The following HSD17B7 variants were observed in gnomAD, a reference collection of about 807,000 sequenced individuals.
The protein encoded by HSD17B7 is hydroxysteroid 17-beta dehydrogenase 7.
HSD17B7 carries 17 observed loss-of-function variants against 34.1 expected under a neutral mutation model. The observed-to-expected ratio is 0.50, with a 90% CI of 0.34 to 0.75. The LOEUF (loss-of-function observed/expected upper bound fraction) is 0.75, where lower values mean the gene tolerates loss of function less well. Among genes scored for constraint, HSD17B7 ranks in the 30% least tolerant of loss-of-function variants. The pLI, the probability that HSD17B7 is intolerant of heterozygous loss-of-function variation, is 0.01. For missense variants in HSD17B7, 296 were observed against 406.6 expected (o/e 0.73, Z 2.34); for synonymous variants, 122 against 154.6 (o/e 0.79, Z 1.56).
chr1:162,808,064 T>A (rs1255421173), intron 8 of HSD17B7, among the ~76,000 whole-genome samples: 14 of 152,316 alleles, frequency 9.2e-5, no homozygotes, highest in Non-Finnish European at 7.4e-5. Flanking sequence ...CTGAATAGTA[T>A]TGCCTAGGTT....
intron 8 of HSD17B7, among the ~76,000 whole-genome samples, chr1:162,810,110 C>T (rs1295799856): frequency 6.6e-6 from 1 of 152,208 alleles, no homozygotes; most frequent in African/African-American, 2.4e-5. Flanking sequence ...TCACTCTACA[C>T]ACTGCTTTAA....
intron 4 of HSD17B7, chr1:162,798,362 A>T (rs1648690752): frequency 6.5e-6 from 1 of 154,860 alleles, no homozygotes; most frequent in Non-Finnish European, 1.4e-5. Flanking sequence ...TTTAGCAGTC[A>T]TGTCTCCTTA....
rs565553246 is a variant in HSD17B7, at chr1:162,806,980, AATT to A, written c.903+1497_903+1499del. Reference sequence around the variant, plus strand: ...ATGTTATTTTCTTTCTTTTTTTTAAAATTATTATTATACTTTAAGTTCTAGAGT... The same window carrying A: ...ATGTTATTTTCTTTCTTTTTTTTAAAATTATTATACTTTAAGTTCTAGAGT... On this transcript the variant is annotated intron_variant, in intron 8 of 8. Transcript: ENST00000254521. Among the ~76,000 whole-genome samples the A allele has an allele frequency of 1.7e-4, 26 of 152,084 alleles. 2 individuals carry two copies. In the South Asian group the frequency reaches 5.0e-3, roughly 29 times the overall value.
chr1:162,798,241 G>A (rs374490381), intron 4 of HSD17B7: 113 of 264,852 alleles, frequency 4.3e-4, no homozygotes, highest in African/African-American at 2.3e-3. Context: ...CAAAATAGAT[G>A]AATCAATTCT....
chr1:162,802,274 C>T (rs115315656), intron 5 of HSD17B7, among the ~76,000 whole-genome samples: 1,894 of 152,216 alleles, frequency 0.012, 30 homozygotes, highest in African/African-American at 0.043. Flanking sequence ...ATGTTGGAAA[C>T]GCTGGATTTT....
intron 8 of HSD17B7, among the ~76,000 whole-genome samples, chr1:162,808,205 C>T (rs925407449): frequency 5.3e-5 from 8 of 152,112 alleles, no homozygotes; most frequent in Non-Finnish European, 8.8e-5. Context: ...GTTTTCCCAG[C>T]ACCATTTATT....
intron 8 of HSD17B7, among the ~76,000 whole-genome samples, chr1:162,806,667 A>AC (rs1403708572): frequency 6.6e-6 from 1 of 152,190 alleles, no homozygotes; most frequent in African/African-American, 2.4e-5. Flanking sequence ...CCCTTTGGGG[A>AC]ATTCTATTGT....
intron 2 of HSD17B7, among the ~76,000 whole-genome samples, chr1:162,793,506 G>A (rs978448877): frequency 3.3e-5 from 5 of 151,572 alleles, no homozygotes; most frequent in South Asian, 2.1e-4. Context: ...TGGAGACTAA[G>A]TTATGAGTAC....
At position 162,805,461 on chromosome 1, in the gene HSD17B7, G is replaced by T; in HGVS notation, c.872G>T (p.Gly291Val). Reference sequence around the variant, plus strand: ...ATCAAATATCTGAGTGCCACCACTGGCTTTGGAAGAAATTACATTATGACC... The same window carrying T: ...ATCAAATATCTGAGTGCCACCACTGTCTTTGGAAGAAATTACATTATGACC... ...PLIKYLSATT[G>V]FGRNYIMTQK... The change falls in exon 8 of 9, where the codon GGC (glycine) becomes GTC (valine). Residue 291 changes from glycine (G) to valine (V), a missense_variant. By Grantham distance (109) the Gly-to-Val change is moderately radical. Coordinates refer to ENST00000254521, the MANE Select transcript of HSD17B7 (RefSeq NM_016371.4). 3.7e-6 allele frequency: 6 copies of T among 1,612,946 alleles called. No homozygotes were observed. Among genetic ancestry groups the T allele is most frequent in the Non-Finnish European group, 5.1e-6 (6 of 1,179,292 alleles).
Position 162,798,003 on chromosome 1 carries a change from A to G in HSD17B7, c.447+87A>G. 2.0e-6 allele frequency: 3 copies of G among 1,470,284 alleles called. No individual in the cohort carries two copies. The South Asian group carries it at 4.2e-5, about 21-fold the overall frequency. 91.1% of individuals were successfully genotyped at this position (1,470,284 alleles called of 1,614,324 possible). ...GCACAGGGCATTATTATAGTTGAGC[A>G]GCCAGTTAACTGATTTAATCTCATG... On this transcript the variant is annotated intron_variant, in intron 4 of 8. Coordinates refer to ENST00000254521, the MANE Select transcript of HSD17B7 (RefSeq NM_016371.4).
At chr1:162,793,389 T>G (rs1648487549) in intron 2 of HSD17B7, among the ~76,000 whole-genome samples, 1 of 152,174 alleles carries the variant, frequency 6.6e-6, no homozygotes, top group Non-Finnish European at 1.5e-5. Flanking sequence ...GACTAATTTA[T>G]GAGTACATCC....
intron 5 of HSD17B7, among the ~76,000 whole-genome samples, chr1:162,800,665 A>C (rs565403536): frequency 6.6e-6 from 1 of 152,282 alleles, no homozygotes; most frequent in South Asian, 2.1e-4. Flanking sequence ...TTACCTGGAA[A>C]TCTCCAGTCT....
intron 8 of HSD17B7, among the ~76,000 whole-genome samples, chr1:162,808,790 A>G (rs1649076073): frequency 6.6e-6 from 1 of 152,174 alleles, no homozygotes; most frequent in African/African-American, 2.4e-5. Context: ...GGTGTATAAG[A>G]ATGCTTGTGA....
chr1:162,805,364 A>C (rs1308977626), intron 7 of HSD17B7, 30 bp from the exon 8 acceptor site: 8 of 1,609,578 alleles, frequency 5.0e-6, no homozygotes, highest in Non-Finnish European at 6.8e-6. Flanking sequence ...GGCAGAAGAA[A>C]CAAATCATTG....
At chr1:162,793,373 C>T (rs993775454) in intron 2 of HSD17B7, among the ~76,000 whole-genome samples, 6 of 152,098 alleles carry the variant, frequency 3.9e-5, no homozygotes, top group Non-Finnish European at 2.9e-5. Flanking sequence ...ATAATTATTT[C>T]ATGGAGACTA....
At chr1:162,808,597 T>C (rs1649069000) in intron 8 of HSD17B7, among the ~76,000 whole-genome samples, 2 of 152,252 alleles carry the variant, frequency 1.3e-5, no homozygotes, top group Admixed American at 1.3e-4. Context: ...TTCCTATCTA[T>C]GAGCATGGAA....
At chr1:162,800,145 C>T (rs1648758100) in intron 5 of HSD17B7, 1 of 696,526 alleles carries the variant, frequency 1.4e-6, no homozygotes, top group Non-Finnish European at 2.7e-6. Flanking sequence ...GGAATTCTAA[C>T]TTATGTTAAC....
chr1:162,799,337 G>A (rs2457589), intron 4 of HSD17B7, among the ~76,000 whole-genome samples: 11 of 152,178 alleles, frequency 7.2e-5, no homozygotes, highest in South Asian at 4.1e-4. Context: ...TTTAGCTTTC[G>A]TTTTGAGCAG....
chr1:162,801,397 G>A (rs1461929424), intron 5 of HSD17B7, among the ~76,000 whole-genome samples: 1 of 152,168 alleles, frequency 6.6e-6, no homozygotes, highest in Non-Finnish European at 1.5e-5. Context: ...CTGAAAAATA[G>A]GGATAGTAAT....
Sources: allele counts gnomAD v4.1 joint callset (sites outside exome capture counted in the v4.1 genomes callset), GRCh38; gene constraint gnomAD v4.1.1; transcripts MANE v1.5; gene names NCBI Gene and HGNC (gene_info 2026-07-23, HGNC 2026-07-21).